PKP3: variants seen among roughly 807,000 people sequenced by gnomAD.
PKP3 encodes the protein plakophilin 3, also known as plakophilin-3.
PKP3 carries 66 observed loss-of-function variants against 76.5 expected under a neutral mutation model. The observed-to-expected ratio is 0.86, with a 90% CI of 0.71 to 1.06. PKP3 has a LOEUF of 1.06. Ranked by LOEUF, PKP3 falls within the 50% of genes least tolerant of loss-of-function variation. The pLI, the probability that PKP3 is intolerant of heterozygous loss-of-function variation, is 0.00. For missense variants in PKP3, 1,338 were observed against 1,141.0 expected (o/e 1.17, Z -2.49); for synonymous variants, 638 against 516.5 (o/e 1.24, Z -3.19).
Position 400,354 on chromosome 11 carries a change from A to G in PKP3, c.1469A>G (p.Gln490Arg). Residue 490 changes from glutamine to arginine, a missense_variant, in exon 7 of 13, where the codon CAG becomes CGG. Coordinates refer to ENST00000331563, the MANE Select transcript of PKP3 (RefSeq NM_007183.4). ...CCCAGGAACCTCAGCTCAGCCTCTC[A>G]GGCCACTCGCCAGAAGATGCGGGAG... The part of the protein sequence containing the change: ...GFLRNLSSAS[Q>R]ATRQKMRECH... The G allele has an allele frequency of 6.5e-7, 1 of 1,549,548 alleles. No individual in the cohort carries two copies. Among genetic ancestry groups the G allele is most frequent in the Non-Finnish European group, 8.7e-7 (1 of 1,146,466 alleles).
chr11:392,701 C>G (rs772408693), upstream of PKP3: 13 of 1,286,260 alleles, frequency 1.0e-5, no homozygotes, highest in African/African-American at 1.1e-4. Context: ...ATCCGGACCA[C>G]GAGCCGGGTA....
At position 404,574 on chromosome 11, in the gene PKP3, A is replaced by G; in HGVS notation, c.*5A>G. 6.2e-7 allele frequency: 1 copy of G among 1,612,292 alleles called. No homozygotes were observed. ...GAGGACTTCCTGGGCCCATAGGTGA[A>G]GCCTTCTGGAGGAGAAGGTGACGTG... On this transcript the variant is annotated 3_prime_UTR_variant, in exon 13 of 13. Transcript: ENST00000331563. The surrounding 1 kb of genome is among the most constrained non-coding windows in gnomAD (Gnocchi z 4.2).
chr11:397,186 C>T lies in PKP3; in HGVS notation c.685C>T (p.Leu229=), dbSNP rs1427103967. 1 of 1,598,288 alleles carries T rather than the reference C, an allele frequency of 6.3e-7. No homozygotes were observed. The highest frequency in any genetic ancestry group is 1.3e-5 in the African/African-American group (1 of 75,000). Residue 229 remains leucine (L), a synonymous_variant, in exon 3 of 13, where the codon CTG becomes TTG. Coordinates refer to ENST00000331563, the MANE Select transcript of PKP3 (RefSeq NM_007183.4). ...CTCCAGCTCCAGCCGGGCAGGGGGG[C>T]TGGACTGGCCCGAGGCCACTGAGGT... is the stretch of plus-strand genomic sequence containing the variant. ...ASSSSSRAGG[L]DWPEATEVSP...
At position 394,499 on chromosome 11, in the gene PKP3, C is replaced by G. The variant is rs534140988; in HGVS notation, c.207C>G (p.Pro69=). 1.4e-6 allele frequency: 2 copies of G among 1,397,598 alleles called. No homozygotes were observed. The highest frequency in any genetic ancestry group is 1.5e-5 in the South Asian group (1 of 64,656). 86.6% of individuals were successfully genotyped at this position (1,397,598 alleles called of 1,614,324 possible). ...QQPRHNGAAE[P]EPEAETARGT... ...CGCGGCACAACGGGGCCGCTGAGCC[C>G]GAGCCTGAGGCCGAGACTGCCAGAG... The change falls in exon 1 of 13, where the codon CCC becomes CCG. Residue 69 remains proline (P), a synonymous_variant. Coordinates refer to ENST00000331563, the MANE Select transcript of PKP3 (RefSeq NM_007183.4).
rs200924145 is a variant in PKP3 at position 397,113 on chromosome 11, C to G, written c.612C>G (p.Pro204=). The G allele has an allele frequency of 4.4e-6, 7 of 1,597,584 alleles. No homozygotes were observed. The highest frequency in any genetic ancestry group is 1.7e-5 in the Admixed American group (1 of 59,718). Residue 204 remains proline (P), a synonymous_variant, in exon 3 of 13, where the codon CCC becomes CCG. Transcript: ENST00000331563. ...GCCTGGTGTCTGAGCAGCTGGAGCC[C>G]GCGGCCACCTCCACCTACAGGGCCT... ...RYSLVSEQLE[P]AATSTYRAFA... is the part of the protein sequence containing the mutation.
chr11:399,930 A>T (rs1477278626), intron 5 of PKP3, 37 bp from the exon 6 acceptor site: 2 of 1,539,972 alleles, frequency 1.3e-6, no homozygotes, highest in Admixed American at 1.9e-5. Flanking sequence ...AGGGGGTTGG[A>T]GGGCAGACGC....
At chr11:396,354 G>GTGT in intron 1 of PKP3, 1 of 454,488 alleles carries the variant, frequency 2.2e-6, no homozygotes, top group Admixed American at 4.0e-5. Flanking sequence ...GTGGGTGAGC[G>GTGT]TATCTGCCCT....
intron 1 of PKP3, 63 bp downstream of exon 1, chr11:394,587 G>A (rs1187865219): frequency 2.5e-5 from 32 of 1,266,178 alleles, no homozygotes; most frequent in Non-Finnish European, 3.0e-5. Context: ...GGGCGGACGT[G>A]ATAGTGTGAG....
upstream of PKP3, chr11:392,603 C>T: frequency 7.9e-7 from 1 of 1,260,274 alleles, no homozygotes; most frequent in Non-Finnish European, 1.0e-6. Flanking sequence ...GCCGCAGAGG[C>T]TGCCCCGCAC....
At position 396,902 on chromosome 11, in the gene PKP3, G is replaced by C; in HGVS notation, c.401G>C (p.Ser134Thr). Residue 134 changes from serine to threonine, a missense_variant, in exon 3 of 13, where the codon AGT (serine) becomes ACT (threonine). Transcript: ENST00000331563. ...GATCTGAGCTGCAGTCGGAGGCTGA[G>C]TTCAGCCCACAACGGGGGCAGCGCC... ...AVDLSCSRRL[S>T]SAHNGGSAFG... 1 of 1,597,928 alleles carries C rather than the reference G, an allele frequency of 6.3e-7. No homozygotes were observed.
Position 400,585 on chromosome 11 carries a change from C to T in PKP3, c.1617C>T (p.Tyr539=). The change falls in exon 8 of 13, where the codon TAC becomes TAT. Residue 539 remains tyrosine, a synonymous_variant. Coordinates refer to ENST00000331563, the MANE Select transcript of PKP3 (RefSeq NM_007183.4). The part of the protein sequence containing the change: ...CVLRNLSYRL[Y]DEMPPSALQR... ...TGCGGAACCTGTCCTACCGCCTCTA[C>T]GACGAGATGCCGCCGTCCGCGCTGC... The T allele has an allele frequency of 2.7e-6, 4 of 1,474,498 alleles. No homozygotes were observed. Among genetic ancestry groups the T allele is most frequent in the Non-Finnish European group, 3.6e-6 (4 of 1,122,210 alleles). 91.3% of individuals were successfully genotyped at this position (1,474,498 alleles called of 1,614,324 possible). A position where few individuals can be genotyped will look rare whatever the true frequency, so the allele number is the denominator to read the frequency against.
At position 400,623 on chromosome 11, in the gene PKP3, G is replaced by A. The variant is rs758885107; in HGVS notation, c.1655G>A (p.Gly552Asp). Residue 552 changes from glycine to aspartate, a missense_variant, in exon 8 of 13, where the codon GGT (glycine) becomes GAT (aspartate). Gly to Asp is a moderately conservative substitution (Grantham distance 94, BLOSUM62 -1). Transcript: ENST00000331563. ...MPPSALQRLE[G>D]RGRRDLAGAP... Reference sequence around the variant, plus strand: ...CCGTCCGCGCTGCAGCGGCTGGAGGGTCGCGGCCGCAGGGACCTGGCGGGG... The same window carrying A: ...CCGTCCGCGCTGCAGCGGCTGGAGGATCGCGGCCGCAGGGACCTGGCGGGG... The A allele has an allele frequency of 1.4e-5, 20 of 1,421,144 alleles. No individual in the cohort carries two copies. Among genetic ancestry groups the A allele is most frequent in the Admixed American group, 3.3e-5 (1 of 30,430 alleles). 88.0% of individuals were successfully genotyped at this position (1,421,144 alleles called of 1,614,324 possible).
intron 10 of PKP3, 40 bp downstream of exon 10, chr11:403,811 A>G (rs762528106): frequency 6.3e-7 from 1 of 1,599,046 alleles, no homozygotes; most frequent in Non-Finnish European, 8.5e-7. Flanking sequence ...TGCTGGACCC[A>G]CATGTCAATT....
chr11:397,231 C>T lies in PKP3; in HGVS notation c.730C>T (p.Arg244Cys), dbSNP rs761446630. The change falls in exon 3 of 13, where the codon CGT becomes TGT. Residue 244 changes from arginine to cysteine, a missense_variant. Coordinates refer to ENST00000331563, the MANE Select transcript of PKP3 (RefSeq NM_007183.4). Reference protein sequence around the residue: ...ATEVSPSRTIRAPAVRTLQRF... With the variant: ...ATEVSPSRTICAPAVRTLQRF... Reference sequence around the variant, plus strand: ...TGAGGTTTCCCCGAGCCGGACCATCCGTGCCCCTGCCGTGCGGACCCTGCA... The same window carrying T: ...TGAGGTTTCCCCGAGCCGGACCATCTGTGCCCCTGCCGTGCGGACCCTGCA... The T allele has an allele frequency of 7.5e-6, 12 of 1,599,314 alleles. No individual in the cohort carries two copies. Among genetic ancestry groups the T allele is most frequent in the East Asian group, 4.5e-5 (2 of 44,810 alleles).
chr11:393,389 G>C (rs1168862950), upstream of PKP3: 1 of 151,998 alleles, frequency 6.6e-6, no homozygotes, highest in East Asian at 1.9e-4. Flanking sequence ...CAACCCCCTG[G>C]GGCGGCCCCG....
In PKP3 at chr11:398,957, T is replaced by C. The variant is rs112333127; in HGVS notation, c.1069-35T>C. 4.2e-3 allele frequency: 6,193 copies of C among 1,463,152 alleles called. 210 individuals are homozygous for C. In the African/African-American group the frequency reaches 0.073, roughly 17 times the overall value. The allele number at this position is 1,463,152 out of a possible 1,614,324, so 90.6% of individuals were successfully genotyped here. A position where few individuals can be genotyped will look rare whatever the true frequency, so the allele number is the denominator to read the frequency against. On this transcript the variant is annotated intron_variant, in intron 4 of 12. Transcript: ENST00000331563. ...GGTGCATAGTCTGCATCCATCCACA[T>C]GCGTCTGTGCACCCCCATATGCCTG...
chr11:400,197 C>T (rs986431237), intron 6 of PKP3, 56 bp downstream of exon 6: 147 of 1,447,532 alleles, frequency 1.0e-4, no homozygotes, highest in Non-Finnish European at 1.3e-4. Flanking sequence ...ACTGTGGGGA[C>T]TCCGCCTGGC....
intron 7 of PKP3, 39 bp downstream of exon 7, chr11:400,490 G>T (rs1376186534): frequency 5.3e-6 from 8 of 1,511,810 alleles, no homozygotes; most frequent in Non-Finnish European, 7.1e-6. Flanking sequence ...GTGCCCCCGG[G>T]CCGCCGCTCT....
chr11:399,144 G>A lies in PKP3; in HGVS notation c.1221G>A (p.Glu407=), dbSNP rs927120535. 51 of 1,611,520 alleles carry A rather than the reference G, an allele frequency of 3.2e-5. 1 individual carries two copies. The Admixed American group carries it at 8.5e-4, about 27-fold the overall frequency. The change falls in exon 5 of 13, where the codon GAG becomes GAA. Residue 407 remains glutamate, a synonymous_variant. Coordinates refer to ENST00000331563, the MANE Select transcript of PKP3 (RefSeq NM_007183.4). ...TGGTGGAGGAGAACGGGATCTTCGA[G>A]CTGCTGCGGACACTGCGGGAGCAGG... The part of the protein sequence containing the change: ...LALVEENGIF[E]LLRTLREQDD...
Sources: gnomAD v4.1 joint callset for allele counts on GRCh38, gnomAD v4.1.1 for gene constraint, Gnocchi (gnomAD v3.1) non-coding constraint, MANE v1.5 for transcripts, NCBI Gene and HGNC (gene_info 2026-07-23, HGNC 2026-07-21) for gene names.